Variants in COL4A5 observed in about 807,000 individuals in gnomAD.
COL4A5 encodes the protein collagen type IV alpha 5 chain.
A neutral mutation model predicts 130.2 loss-of-function variants in COL4A5; 26 were observed. The ratio of observed to expected loss-of-function variants is 0.20; its 90% CI spans 0.15 to 0.28. The LOEUF (loss-of-function observed/expected upper bound fraction) is 0.28. Ranked by LOEUF, COL4A5 falls within the 10% of genes least tolerant of loss-of-function variation. The pLI is 1.00. For missense variants in COL4A5, 1,131 were observed against 1,344.3 expected (o/e 0.84, Z 2.48); for synonymous variants, 496 against 439.6 (o/e 1.13, Z -1.60).
chrX:108,622,260 C>G (rs1320815946), intron 32 of COL4A5, among the ~76,000 whole-genome samples: 1 of 111,570 alleles, frequency 9.0e-6, no homozygotes, highest in Non-Finnish European at 1.9e-5. Context: ...TCCCAAGTAG[C>G]TGGGAGTACA....
chrX:108,661,101 A>T (rs1291317062), intron 37 of COL4A5, among the ~76,000 whole-genome samples: 1 of 112,234 alleles, frequency 8.9e-6, no homozygotes, highest in African/African-American at 3.2e-5. Context: ...AATGTATAAT[A>T]GGCCATACCA....
chrX:108,672,887 T>C (rs1387924878), intron 42 of COL4A5, among the ~76,000 whole-genome samples: 1 of 105,626 alleles, frequency 9.5e-6, no homozygotes, highest in Non-Finnish European at 1.9e-5. Flanking sequence ...ACTAATTTTG[T>C]GGCCAGACTC....
chrX:108,472,273 G>C (rs964572943), intron 1 of COL4A5, among the ~76,000 whole-genome samples: 2 of 111,435 alleles, frequency 1.8e-5, no homozygotes, highest in African/African-American at 6.5e-5. Flanking sequence ...TTGTGTCTTA[G>C]AGAATGTTAC....
intron 1 of COL4A5, among the ~76,000 whole-genome samples, chrX:108,472,360 C>T (rs1047865429): frequency 5.9e-4 from 66 of 111,711 alleles, no homozygotes; most frequent in African/African-American, 1.9e-3. Context: ...TGATGTTGTT[C>T]AAGACTTCTG....
At chrX:108,633,522 G>T (rs1603300967) in intron 36 of COL4A5, among the ~76,000 whole-genome samples, 1 of 109,011 alleles carries the variant, frequency 9.2e-6, no homozygotes, top group South Asian at 3.9e-4. Context: ...TTCCAAATTT[G>T]TTCATGAATT....
chrX:108,520,911 A>G (rs1195735560), intron 1 of COL4A5, among the ~76,000 whole-genome samples: 2 of 111,772 alleles, frequency 1.8e-5, no homozygotes, highest in Non-Finnish European at 3.8e-5. Context: ...TAGATTCAAC[A>G]CTTGTTAGTA....
intron 29 of COL4A5, among the ~76,000 whole-genome samples, chrX:108,608,186 G>A (rs995528993): frequency 6.3e-5 from 7 of 111,780 alleles, no homozygotes; most frequent in African/African-American, 2.3e-4. Flanking sequence ...ATGTATGAGT[G>A]TGTTTCCCCA....
chrX:108,578,508 T>C (rs998078094), intron 13 of COL4A5, 125 bp downstream of exon 13: 2 of 529,554 alleles, frequency 3.8e-6, no homozygotes, highest in Non-Finnish European at 6.7e-6. Flanking sequence ...CTTAGATATA[T>C]ACAGTTTTTA....
intron 2 of COL4A5, among the ~76,000 whole-genome samples, chrX:108,544,044 T>G (rs2065598514): frequency 8.9e-6 from 1 of 112,175 alleles, no homozygotes; most frequent in East Asian, 2.8e-4. Flanking sequence ...TACAATCATG[T>G]CATCTGCAAA....
At chrX:108,578,169 G>A (rs776566776) in intron 12 of COL4A5, 50 bp downstream of exon 12, 2 of 1,163,250 alleles carry the variant, frequency 1.7e-6, no homozygotes, top group Non-Finnish European at 2.3e-6. Context: ...TTCTCTTTTT[G>A]TAGTCATTTG....
At chrX:108,579,428 A>G (rs1179535770) in intron 13 of COL4A5, among the ~76,000 whole-genome samples, 1 of 112,088 alleles carries the variant, frequency 8.9e-6, no homozygotes, top group Admixed American at 9.5e-5. Context: ...TCATCAGTTG[A>G]TGGGCATTTG....
intron 1 of COL4A5, among the ~76,000 whole-genome samples, chrX:108,443,633 T>A (rs963017392): frequency 8.1e-5 from 9 of 111,751 alleles, no homozygotes; most frequent in African/African-American, 2.9e-4. Flanking sequence ...AGTGTAAGAG[T>A]TTGTATTTTT....
chrX:108,452,526 G>A (rs753168369), intron 1 of COL4A5, among the ~76,000 whole-genome samples: 1 of 111,674 alleles, frequency 9.0e-6, no homozygotes, highest in South Asian at 3.8e-4. Flanking sequence ...AGTTCTCCTT[G>A]AAGAGGTCCT....
intron 1 of COL4A5, among the ~76,000 whole-genome samples, chrX:108,488,327 T>A (rs1285716414): frequency 1.8e-5 from 2 of 113,016 alleles, no homozygotes; most frequent in Non-Finnish European, 3.7e-5. Flanking sequence ...CATAATTTAT[T>A]TAACAAGTCC....
At chrX:108,677,386 G>T in intron 43 of COL4A5, 114 bp from the exon 44 acceptor site, 1 of 695,350 alleles carries the variant, frequency 1.4e-6, no homozygotes, top group Non-Finnish European at 2.2e-6. Context: ...TTTTAATGTT[G>T]TGTGGGTTTT....
intron 3 of COL4A5, among the ~76,000 whole-genome samples, chrX:108,561,012 C>T (rs1400970861): frequency 9.0e-6 from 1 of 111,537 alleles, no homozygotes; most frequent in Non-Finnish European, 1.9e-5. Flanking sequence ...GCTGACATCC[C>T]AGGAGGTATT....
In COL4A5 at chrX:108,683,249, A is replaced by G. The variant is rs1174450393; in HGVS notation, c.4216+1361A>G. Among the ~76,000 whole-genome samples, 4 of 111,454 alleles carry G rather than the reference A, an allele frequency of 3.6e-5. No individual in the cohort carries two copies. The Admixed American group carries it at 3.8e-4, about 11-fold the overall frequency. ...GGCCTCTGTTCTGTTCCATTGGTCT[A>G]TATATCTGTTTCGGTACCAGTACCA... On this transcript the variant is annotated intron_variant, in intron 47 of 52. Coordinates refer to ENST00000328300, the MANE Select transcript of COL4A5 (RefSeq NM_033380.3).
At chrX:108,608,917 A>C (rs1211535730) in intron 29 of COL4A5, among the ~76,000 whole-genome samples, 1 of 111,556 alleles carries the variant, frequency 9.0e-6, no homozygotes, top group Non-Finnish European at 1.9e-5. Context: ...TACGGTATGT[A>C]CTTTCTTTCT....
At chrX:108,648,321 A>T in intron 36 of COL4A5, among the ~76,000 whole-genome samples, 1 of 111,621 alleles carries the variant, frequency 9.0e-6, no homozygotes, top group East Asian at 2.8e-4. Flanking sequence ...ATTCTGCCAG[A>T]CATTCAAAGA....
Sources: gnomAD v4.1 joint callset for allele counts (sites outside exome capture counted in the v4.1 genomes callset) on GRCh38, gnomAD v4.1.1 for gene constraint, MANE v1.5 for transcripts, NCBI Gene and HGNC (gene_info 2026-07-23, HGNC 2026-07-21) for gene names.